The following NTNG1 variants were observed in gnomAD, a reference collection of about 807,000 sequenced individuals.
NTNG1 encodes netrin G1.
NTNG1 carries 16 observed loss-of-function variants against 54.0 expected under a neutral mutation model. The ratio of observed to expected loss-of-function variants is 0.30; its 90% CI spans 0.20 to 0.45. The LOEUF is 0.45. Among genes scored for constraint, NTNG1 ranks in the 20% least tolerant of loss-of-function variants. The probability of loss-of-function intolerance (pLI) is 1.00; values close to 1 mark genes in which losing one functional copy is unlikely to be tolerated. For missense variants in NTNG1, 530 were observed against 678.7 expected, an observed-to-expected ratio of 0.78 and a Z score of 2.43; for synonymous variants, 255 against 263.1, an observed-to-expected ratio of 0.97 and a Z score of 0.30.
At chr1:107,348,578 C>T (rs931304443) in intron 3 of NTNG1, among the ~76,000 whole-genome samples, 2 of 152,204 alleles carry the variant, frequency 1.3e-5, no homozygotes, top group Non-Finnish European at 2.9e-5. Context: ...TCAGACCTCC[C>T]TCCCACCTCC....
At chr1:107,393,208 C>A (rs1672472474) in intron 3 of NTNG1, among the ~76,000 whole-genome samples, 1 of 152,176 alleles carries the variant, frequency 6.6e-6, no homozygotes, top group African/African-American at 2.4e-5. Context: ...AGGAAACCAG[C>A]ATATTCTTTG....
intron 2 of NTNG1, among the ~76,000 whole-genome samples, chr1:107,318,469 G>GA (rs993438157): frequency 2.7e-5 from 4 of 149,510 alleles, no homozygotes; most frequent in East Asian, 2.0e-4. Flanking sequence ...AACAAGGAAA[G>GA]AAAAAAAATC....
At chr1:107,418,783 C>A in intron 5 of NTNG1, 1 of 603,020 alleles carries the variant, frequency 1.7e-6, no homozygotes, top group South Asian at 2.3e-5. Context: ...ATCTTTTTTT[C>A]TAATATGAAG....
chr1:107,263,780 A>C (rs1663535752), intron 2 of NTNG1, among the ~76,000 whole-genome samples: 1 of 152,146 alleles, frequency 6.6e-6, no homozygotes, highest in Non-Finnish European at 1.5e-5. Context: ...TATTAATTTT[A>C]TGAAAAAAAT....
chr1:107,167,845 TGTTA>T (rs1270890680), intron 2 of NTNG1, among the ~76,000 whole-genome samples: 2 of 152,144 alleles, frequency 1.3e-5, no homozygotes, highest in South Asian at 4.1e-4. Flanking sequence ...GTATATTGTT[TGTTA>T]GTTAAGTAAG....
At chr1:107,394,324 T>C (rs1443246083) in intron 3 of NTNG1, among the ~76,000 whole-genome samples, 1 of 152,208 alleles carries the variant, frequency 6.6e-6, no homozygotes, top group Non-Finnish European at 1.5e-5. Flanking sequence ...TGTATTTTTG[T>C]GGAAATTGCA....
intron 2 of NTNG1, among the ~76,000 whole-genome samples, chr1:107,167,684 T>G (rs1213892431): frequency 6.6e-6 from 1 of 152,036 alleles, no homozygotes; most frequent in Non-Finnish European, 1.5e-5. Context: ...TAATTAATTT[T>G]TATTGAGTAT....
intron 3 of NTNG1, among the ~76,000 whole-genome samples, chr1:107,350,049 C>A (rs540748803): frequency 6.6e-6 from 1 of 152,230 alleles, no homozygotes; most frequent in Admixed American, 6.5e-5. Flanking sequence ...ATTGTACTTT[C>A]TCTCTACGAG....
At chr1:107,248,874 G>T (rs1662374346) in intron 2 of NTNG1, among the ~76,000 whole-genome samples, 1 of 151,878 alleles carries the variant, frequency 6.6e-6, no homozygotes, top group South Asian at 2.1e-4. Context: ...TTAGGCCGGG[G>T]GTGGTGGCTC....
intron 2 of NTNG1, among the ~76,000 whole-genome samples, chr1:107,266,706 C>G (rs1275211430): frequency 6.7e-6 from 1 of 150,130 alleles, no homozygotes; most frequent in East Asian, 2.0e-4. Flanking sequence ...GTTTCCTATT[C>G]ATAGGAAGAG....
chr1:107,179,220 C>T (rs1041790886), intron 2 of NTNG1, among the ~76,000 whole-genome samples: 4 of 152,130 alleles, frequency 2.6e-5, no homozygotes, highest in Non-Finnish European at 5.9e-5. Context: ...GAGTGTCCAG[C>T]TGGTTCTTTT....
chr1:107,142,109 T>C (rs996643838), intron 1 of NTNG1, among the ~76,000 whole-genome samples: 2 of 152,156 alleles, frequency 1.3e-5, no homozygotes, highest in African/African-American at 4.8e-5. Flanking sequence ...ACTGGCATCA[T>C]ATTAATCGGT....
intron 7 of NTNG1, among the ~76,000 whole-genome samples, chr1:107,478,553 G>T (rs147951518): frequency 6.6e-6 from 1 of 151,814 alleles, no homozygotes; most frequent in African/African-American, 2.4e-5. Context: ...TTTTCTAAAG[G>T]GGAGTGATAT....
intron 2 of NTNG1, among the ~76,000 whole-genome samples, chr1:107,169,404 C>T (rs1262221218): frequency 6.6e-6 from 1 of 152,064 alleles, no homozygotes; most frequent in East Asian, 1.9e-4. Flanking sequence ...GAAGTCTAGA[C>T]TTGTAATGTA....
At chr1:107,182,315 C>A (rs1420409310) in intron 2 of NTNG1, among the ~76,000 whole-genome samples, 1 of 152,086 alleles carries the variant, frequency 6.6e-6, no homozygotes, top group African/African-American at 2.4e-5. Context: ...CAGAAACATG[C>A]CACATGTTTA....
chr1:107,265,383 G>T (rs1663666981), intron 2 of NTNG1, among the ~76,000 whole-genome samples: 1 of 152,070 alleles, frequency 6.6e-6, no homozygotes, highest in African/African-American at 2.4e-5. Context: ...CTCCTTCCCT[G>T]ATTTTAAGAG....
chr1:107,471,580 T>G (rs1288058594), intron 7 of NTNG1, among the ~76,000 whole-genome samples: 1 of 152,032 alleles, frequency 6.6e-6, no homozygotes, highest in Non-Finnish European at 1.5e-5. Flanking sequence ...TACAGGAGAG[T>G]GCACATTGAA....
intron 3 of NTNG1, among the ~76,000 whole-genome samples, chr1:107,334,783 G>A (rs543907578): frequency 1.6e-4 from 25 of 152,040 alleles, no homozygotes; most frequent in Non-Finnish European, 2.6e-4. Flanking sequence ...TAGGCCTGGC[G>A]CATATTAAAA....
intron 3 of NTNG1, among the ~76,000 whole-genome samples, chr1:107,341,633 T>C (rs894289323): frequency 2.0e-5 from 3 of 152,092 alleles, no homozygotes; most frequent in African/African-American, 7.2e-5. Context: ...AAAAGATTCA[T>C]TGGCTCATCC....
Sources: allele counts gnomAD v4.1 joint callset (sites outside exome capture counted in the v4.1 genomes callset), GRCh38; gene constraint gnomAD v4.1.1; transcripts MANE v1.5; gene names NCBI Gene and HGNC (gene_info 2026-07-23, HGNC 2026-07-21).